Variants in CD96 observed in about 807,000 individuals in gnomAD.
The protein encoded by CD96 is CD96 molecule.
In CD96, 70 loss-of-function variants were observed where a neutral mutation model predicts 71.3. That is an observed-to-expected ratio of 0.98 (90% CI 0.81 to 1.20). The LOEUF (loss-of-function observed/expected upper bound fraction) is 1.20, where lower values mean the gene tolerates loss of function less well. Ranked by LOEUF, CD96 falls within the 50% of genes most tolerant of loss-of-function variation. CD96 has a pLI of 0.00. For synonymous variants in CD96, 248 were observed against 233.0 expected, an observed-to-expected ratio of 1.06 and a Z score of -0.59; for missense variants, 742 against 677.5, an observed-to-expected ratio of 1.10 and a Z score of -1.06.
At chr3:111,635,438 TTAG>T (rs1939282118) in intron 10 of CD96, among the ~76,000 whole-genome samples, 1 of 152,202 alleles carries the variant, frequency 6.6e-6, no homozygotes, top group South Asian at 2.1e-4. Flanking sequence ...ATTGGGAAAG[TTAG>T]TAGAAGTCCA....
At chr3:111,592,328 A>G (rs1576360648) in intron 5 of CD96, among the ~76,000 whole-genome samples, 1 of 152,356 alleles carries the variant, frequency 6.6e-6, no homozygotes, top group East Asian at 1.9e-4. Flanking sequence ...GCATCTCTGA[A>G]CATTTAAAGG....
intron 7 of CD96, among the ~76,000 whole-genome samples, chr3:111,602,495 A>G (rs1042452151): frequency 2.0e-5 from 3 of 152,196 alleles, no homozygotes; most frequent in African/African-American, 4.8e-5. Flanking sequence ...AATATTAAAG[A>G]CAATTAATCT....
chr3:111,660,967 T>A (rs1303953339), intron 14 of CD96, among the ~76,000 whole-genome samples: 1 of 152,174 alleles, frequency 6.6e-6, no homozygotes, highest in African/African-American at 2.4e-5. Context: ...ACTAGTCCAT[T>A]CTCACACCTA....
rs60744771 is a variant in CD96 at position 111,577,348 on chromosome 3, G to A, written c.544-1679G>A. Among the ~76,000 whole-genome samples, 1,046 of 152,274 alleles carry A rather than the reference G, an allele frequency of 6.9e-3. 13 individuals carry two copies. The highest frequency in any genetic ancestry group is 0.024 in the African/African-American group (985 of 41,542). Reference sequence around the variant, plus strand: ...GCCAAAAGATCTGCAGGGGGTACCTGCCTTCTTAATTATTGACCTCCAGAC... The same window carrying A: ...GCCAAAAGATCTGCAGGGGGTACCTACCTTCTTAATTATTGACCTCCAGAC... On this transcript the variant is annotated intron_variant, in intron 3 of 13. Coordinates refer to ENST00000352690, the MANE Select transcript of CD96 (RefSeq NM_005816.5).
intron 10 of CD96, among the ~76,000 whole-genome samples, chr3:111,630,882 A>G (rs2107734076): frequency 6.6e-6 from 1 of 152,372 alleles, no homozygotes; most frequent in Admixed American, 6.5e-5. Context: ...GTGATTCATC[A>G]CATAAACAGA....
intron 2 of CD96, among the ~76,000 whole-genome samples, chr3:111,548,227 G>T (rs895456940): frequency 6.6e-5 from 10 of 152,118 alleles, no homozygotes; most frequent in Non-Finnish European, 1.3e-4. Flanking sequence ...ATCTCTTCCT[G>T]TTTCTTTTCT....
In CD96 at chr3:111,558,656, G is replaced by T. The variant is rs1280873298; in HGVS notation, c.419-8867G>T. Among the ~76,000 whole-genome samples, 32 of 130,160 alleles carry T rather than the reference G, an allele frequency of 2.5e-4. No individual in the cohort carries two copies. In the South Asian group the frequency reaches 8.5e-3, roughly 35 times the overall value. The allele number at this position is 130,160 out of a possible 152,430, so 85.4% of individuals were successfully genotyped here. A position where few individuals can be genotyped will look rare whatever the true frequency, so the allele number is the denominator to read the frequency against. On this transcript the variant is annotated intron_variant, in intron 2 of 13. Transcript: ENST00000352690. ...GCATCAATGTTCATCAAGGATATTGGTCTAAAATTCTCTTTTTTGGTTGTG... is the reference window on the plus strand; with the variant it reads ...GCATCAATGTTCATCAAGGATATTGTTCTAAAATTCTCTTTTTTGGTTGTG...
chr3:111,601,977 G>A (rs1200039203), intron 7 of CD96, among the ~76,000 whole-genome samples: 1 of 152,188 alleles, frequency 6.6e-6, no homozygotes, highest in Admixed American at 6.5e-5. Flanking sequence ...CTGTGTATAT[G>A]TATATGTATG....
At chr3:111,554,789 T>A (rs755301177) in intron 2 of CD96, among the ~76,000 whole-genome samples, 7 of 152,048 alleles carry the variant, frequency 4.6e-5, no homozygotes, top group Non-Finnish European at 2.9e-5. Context: ...GTATTATTAT[T>A]ACATTGTAAT....
chr3:111,607,293 G>A (rs1292631920), intron 8 of CD96, among the ~76,000 whole-genome samples: 1 of 152,196 alleles, frequency 6.6e-6, no homozygotes, highest in Non-Finnish European at 1.5e-5. Context: ...TAGGCCAAAA[G>A]AGGTTGAATC....
Position 111,579,228 on chromosome 3 carries a change from G to C in CD96, c.745G>C (p.Val249Leu). 1 of 1,576,996 alleles carries C rather than the reference G, an allele frequency of 6.3e-7. No homozygotes were observed. The highest frequency in any genetic ancestry group is 8.7e-7 in the Non-Finnish European group (1 of 1,146,016). ...CTTGAGGAGCTCCACCACAGTCAAG[G>C]TTTTTGGTAAGGGCTTTTGTTCTAC... ...KILRSSTTVKVFAKPEIPVIV... is the reference protein window; with the variant it reads ...KILRSSTTVKLFAKPEIPVIV... Residue 249 changes from valine to leucine, a missense_variant, in exon 4 of 14, where the codon GTT (valine) becomes CTT (leucine). By Grantham distance (32) the Val-to-Leu change is conservative (BLOSUM62 1). Transcript: ENST00000352690.
chr3:111,634,391 C>T (rs1939224214), intron 10 of CD96: 1 of 152,234 alleles, frequency 6.6e-6, no homozygotes, highest in African/African-American at 2.4e-5. Context: ...TGAGAAGCTC[C>T]AATAACACAG....
intron 5 of CD96, among the ~76,000 whole-genome samples, chr3:111,589,558 C>A (rs1365824199): frequency 6.6e-6 from 1 of 152,180 alleles, no homozygotes; most frequent in Non-Finnish European, 1.5e-5. Context: ...ATTAGTAACT[C>A]CTCACTCTAA....
chr3:111,654,840 A>G (rs560540228), downstream of CD96, among the ~76,000 whole-genome samples: 5 of 152,380 alleles, frequency 3.3e-5, no homozygotes, highest in East Asian at 1.9e-4. Flanking sequence ...ATGCCATTCA[A>G]CTATCACCAG....
At chr3:111,570,095 T>A (rs1306900364) in intron 3 of CD96, among the ~76,000 whole-genome samples, 1 of 152,132 alleles carries the variant, frequency 6.6e-6, no homozygotes, top group Non-Finnish European at 1.5e-5. Flanking sequence ...CTGAGACTTC[T>A]GCTTACAGGA....
chr3:111,586,144 C>A (rs190093547), intron 5 of CD96, among the ~76,000 whole-genome samples: 105 of 152,100 alleles, frequency 6.9e-4, no homozygotes, highest in East Asian at 7.7e-4. Context: ...GTTTAATAAA[C>A]ATTATTGTTC....
chr3:111,568,479 C>T (rs910533525), intron 3 of CD96, among the ~76,000 whole-genome samples: 4 of 152,200 alleles, frequency 2.6e-5, no homozygotes, highest in African/African-American at 9.6e-5. Context: ...ACATGCTTAA[C>T]ATGTCCTGTG....
At chr3:111,662,634 G>A (rs1230358803) in intron 14 of CD96, among the ~76,000 whole-genome samples, 2 of 152,158 alleles carry the variant, frequency 1.3e-5, no homozygotes, top group Non-Finnish European at 2.9e-5. Context: ...AGTTCCATAG[G>A]TTTCTACAGC....
chr3:111,639,289 G>A (rs1685156575), intron 12 of CD96, among the ~76,000 whole-genome samples: 3 of 152,144 alleles, frequency 2.0e-5, no homozygotes, highest in Admixed American at 2.0e-4. Flanking sequence ...GCGGGGTGGG[G>A]GGCATGGTGG....
Sources: gnomAD v4.1 joint callset for allele counts (sites outside exome capture counted in the v4.1 genomes callset) on GRCh38, gnomAD v4.1.1 for gene constraint, MANE v1.5 for transcripts, NCBI Gene and HGNC (gene_info 2026-07-23, HGNC 2026-07-21) for gene names.